Variants in PCDHA11 observed in about 807,000 individuals in gnomAD.
PCDHA11 encodes protocadherin alpha 11.
In PCDHA11, 61 loss-of-function variants were observed where a neutral mutation model predicts 70.3. The ratio of observed to expected loss-of-function variants is 0.87; its 90% CI spans 0.71 to 1.07. The LOEUF is 1.07. PCDHA11 is among the 50% of genes least tolerant of loss of function. The probability of loss-of-function intolerance (pLI) is 0.00; values close to 1 mark genes in which losing one functional copy is unlikely to be tolerated. For missense variants in PCDHA11, 1,324 were observed against 1,237.5 expected, an observed-to-expected ratio of 1.07 and a Z score of -1.05; for synonymous variants, 633 against 555.1, an observed-to-expected ratio of 1.14 and a Z score of -1.97.
chr5:140,886,786 A>C (rs2061126610), intron 1 of PCDHA11, among the ~76,000 whole-genome samples: 1 of 150,390 alleles, frequency 6.6e-6, no homozygotes, highest in East Asian at 2.0e-4. Context: ...AGATCATGCT[A>C]CTGTACTCCA....
intron 1 of PCDHA11, chr5:140,876,018 A>G: frequency 6.2e-7 from 1 of 1,613,764 alleles, no homozygotes; most frequent in East Asian, 2.2e-5. Flanking sequence ...AGCTTAAAAT[A>G]AAAACAAAAA....
In PCDHA11 at chr5:141,009,886, C is replaced by T. The variant is rs377373799; in HGVS notation, c.2799C>T (p.Thr933=). Residue 933 remains threonine (T), a synonymous_variant, in exon 4 of 4, where the codon ACC becomes ACT. Transcript: ENST00000398640. ...AGAAAAAGAAGAAGGGTAACAAGAC[C>T]CAGGAGAAAAAAGAGAAAGGGAACA... ...KKKKKKKGNK[T]QEKKEKGNST... is the part of the protein sequence containing the mutation. The T allele has an allele frequency of 9.0e-4, 1,444 of 1,612,840 alleles. 15 individuals are homozygous for T. The South Asian group carries it at 0.015, about 17-fold the overall frequency.
In PCDHA11 at chr5:140,929,377, C is replaced by G. The variant is rs1436728913; in HGVS notation, c.2392-49572C>G. 3 of 1,514,232 alleles carry G rather than the reference C, an allele frequency of 2.0e-6. No homozygotes were observed. In the African/African-American group the frequency reaches 4.2e-5, roughly 21 times the overall value. The allele number at this position is 1,514,232 out of a possible 1,614,324, so 93.8% of individuals were successfully genotyped here. Reference sequence around the variant, plus strand: ...CCTTTGGCCCGGAGATGGCTGCTAGCTGTGTTTTGAAATATTTCTTAGACA... The same window carrying G: ...CCTTTGGCCCGGAGATGGCTGCTAGGTGTGTTTTGAAATATTTCTTAGACA... On this transcript the variant is annotated intron_variant, in intron 1 of 3. Coordinates refer to ENST00000398640, the MANE Select transcript of PCDHA11 (RefSeq NM_018902.5).
chr5:140,999,600 TG>T (rs1213821435), intron 3 of PCDHA11, among the ~76,000 whole-genome samples: 3 of 152,150 alleles, frequency 2.0e-5, no homozygotes. Context: ...CCCTACATCC[TG>T]GGGGACCTTA....
chr5:140,875,981 A>G lies in PCDHA11; in HGVS notation c.2391+4487A>G, dbSNP rs200521027. 1.0e-3 allele frequency: 1,684 copies of G among 1,614,052 alleles called. 3 individuals are homozygous for G. Among genetic ancestry groups the G allele is most frequent in the Admixed American group, 1.5e-3 (93 of 60,032 alleles). ...ATCGGCGTAAACTCTCTTTTGACCT[A>G]TGCGTTAAGTCTAAATGAGAATTTT... On this transcript the variant is annotated intron_variant, in intron 1 of 3. Transcript: ENST00000398640.
chr5:141,004,163 G>A (rs374407159), intron 3 of PCDHA11, among the ~76,000 whole-genome samples: 3 of 152,234 alleles, frequency 2.0e-5, no homozygotes, highest in African/African-American at 7.2e-5. Context: ...TATAGGCAAA[G>A]CCAGCCAAGT....
At chr5:140,978,570 G>A (rs151127662) in intron 1 of PCDHA11, among the ~76,000 whole-genome samples, 216 of 152,314 alleles carry the variant, frequency 1.4e-3, no homozygotes, top group African/African-American at 4.9e-3. Flanking sequence ...CTGTAATACT[G>A]AATTGGGAAT....
Position 140,876,213 on chromosome 5 carries a change from T to G in PCDHA11, c.2391+4719T>G, listed in dbSNP as rs782372222. On this transcript the variant is annotated intron_variant, in intron 1 of 3. Transcript: ENST00000398640. ...GTCCGGCGTTTGATAAGCCCAGCTA[T>G]AAAGTAGTGTTGTCTGAAAATGTCC... The G allele has an allele frequency of 3.1e-6, 5 of 1,613,846 alleles. No individual in the cohort carries two copies. The East Asian group carries it at 1.1e-4, about 36-fold the overall frequency.
At chr5:140,966,659 G>C in intron 1 of PCDHA11, 5 of 1,217,658 alleles carry the variant, frequency 4.1e-6, no homozygotes, top group Non-Finnish European at 5.3e-6. Context: ...AGCGGTGGGG[G>C]AGCAGGCGCA....
intron 1 of PCDHA11, among the ~76,000 whole-genome samples, chr5:140,873,027 A>C (rs2054049034): frequency 6.6e-6 from 1 of 152,184 alleles, no homozygotes; most frequent in South Asian, 2.1e-4. Flanking sequence ...TATTCTTACT[A>C]CACGTAGAGT....
At chr5:140,949,231 C>G (rs971361200) in intron 1 of PCDHA11, among the ~76,000 whole-genome samples, 11 of 151,628 alleles carry the variant, frequency 7.3e-5, no homozygotes, top group African/African-American at 2.4e-4. Flanking sequence ...TGTTCTGTGG[C>G]CCAGCAACAG....
chr5:140,901,356 T>C (rs1554189806), intron 1 of PCDHA11, among the ~76,000 whole-genome samples: 1 of 152,232 alleles, frequency 6.6e-6, no homozygotes, highest in Non-Finnish European at 1.5e-5. Context: ...GTCTTAGATT[T>C]AAGTCTTTAA....
chr5:140,877,320 C>G, intron 1 of PCDHA11: 1 of 1,613,972 alleles, frequency 6.2e-7, no homozygotes, highest in Non-Finnish European at 8.5e-7. Context: ...CGGCGGCGGT[C>G]GGCGCGCACA....
intron 1 of PCDHA11, among the ~76,000 whole-genome samples, chr5:140,906,949 A>G (rs1349850915): frequency 1.3e-5 from 2 of 152,144 alleles, no homozygotes; most frequent in Non-Finnish European, 2.9e-5. Flanking sequence ...CTTAATTTCC[A>G]GTTTAATGGA....
Position 141,010,042 on chromosome 5 carries a change from TAGAGACCTCAG to T in PCDHA11, c.*107_*117del. ...TTTTTCCTATCTACATGAGCCCTCTTAGAGACCTCAGAAATCTGCAGAAAGTTCCCTGTGTC... is the reference window on the plus strand; with the variant it reads ...TTTTTCCTATCTACATGAGCCCTCTTAAATCTGCAGAAAGTTCCCTGTGTC... On this transcript the variant is annotated 3_prime_UTR_variant, in exon 4 of 4. Transcript: ENST00000398640. 6.3e-7 allele frequency: 1 copy of T among 1,594,374 alleles called. No individual in the cohort carries two copies. The highest frequency in any genetic ancestry group is 1.2e-5 in the South Asian group (1 of 86,942).
intron 1 of PCDHA11, chr5:140,929,227 G>A (rs141300036): frequency 6.2e-6 from 10 of 1,613,774 alleles, no homozygotes; most frequent in Admixed American, 5.0e-5. Context: ...CAATGCTGCC[G>A]ACCTGCGAAA....
chr5:140,882,816 A>C, intron 1 of PCDHA11: 3 of 1,614,266 alleles, frequency 1.9e-6, no homozygotes, highest in Non-Finnish European at 2.5e-6. Flanking sequence ...TTGGACGCAC[A>C]AAACAGTCTT....
intron 3 of PCDHA11, among the ~76,000 whole-genome samples, chr5:141,005,772 G>A (rs1554260355): frequency 6.9e-6 from 1 of 144,526 alleles, no homozygotes; most frequent in South Asian, 2.2e-4. Flanking sequence ...CAAACCAGAT[G>A]TGTAAAGATC....
chr5:140,984,428 G>A (rs2097103075), intron 3 of PCDHA11, among the ~76,000 whole-genome samples: 1 of 152,100 alleles, frequency 6.6e-6, no homozygotes, highest in African/African-American at 2.4e-5. Context: ...ATAGAGAAGG[G>A]GATCTCCCTT....
Sources: allele counts gnomAD v4.1 joint callset (sites outside exome capture counted in the v4.1 genomes callset), GRCh38; gene constraint gnomAD v4.1.1; transcripts MANE v1.5; gene names NCBI Gene and HGNC (gene_info 2026-07-23, HGNC 2026-07-21).